Variants in SLC35G5 observed in about 807,000 individuals in gnomAD.
SLC35G5 encodes acyl-malonyl condensing enzyme 1-like 2.
In SLC35G5, 14 loss-of-function variants were observed where a neutral mutation model predicts 17.6. The observed-to-expected ratio is 0.79, with a 90% confidence interval of 0.52 to 1.24. The LOEUF (loss-of-function observed/expected upper bound fraction) is 1.24. Among genes scored for constraint, SLC35G5 ranks in the 50% most tolerant of loss-of-function variants. The pLI is 0.00. For missense variants in SLC35G5, 541 were observed against 430.3 expected (o/e 1.26, Z -2.28); for synonymous variants, 236 against 194.9 (o/e 1.21, Z -1.76).
In SLC35G5 at chr8:11,331,365, C is replaced by G; in HGVS notation, c.259C>G (p.Leu87Val). Residue 87 changes from leucine to valine, a missense_variant, in exon 1 of 1, where the codon CTT becomes GTT. Coordinates refer to ENST00000382435, the MANE Select transcript of SLC35G5 (RefSeq NM_054028.2). The stretch of plus-strand genomic sequence containing the variant: ...CTTCCACCTCCCTATTGCCCTGCTA[C>G]TTAAACTGCGTGGCGACCCCCTTCT... ...CLFHLPIALL[L>V]KLRGDPLLGP... 1 of 1,614,034 alleles carries G rather than the reference C, an allele frequency of 6.2e-7. No individual in the cohort carries two copies. Among genetic ancestry groups the G allele is most frequent in the Non-Finnish European group, 8.5e-7 (1 of 1,179,880 alleles).
chr8:11,331,314 C>T lies in SLC35G5; in HGVS notation c.208C>T (p.Leu70=). The T allele has an allele frequency of 6.2e-7, 1 of 1,614,004 alleles. No individual in the cohort carries two copies. The highest frequency in any genetic ancestry group is 8.5e-7 in the Non-Finnish European group (1 of 1,179,856). ...TTACCAGGGTTCCAACCTGCCCTCG[C>T]TGGAGCTGCTCATCTGTCGATGCCT... is the stretch of plus-strand genomic sequence containing the variant. ...MAYQGSNLPS[L]ELLICRCLFH... The change falls in exon 1 of 1, where the codon CTG becomes TTG. Residue 70 remains leucine, a synonymous_variant. Transcript: ENST00000382435.
Position 11,332,239 on chromosome 8 carries a change from A to G in SLC35G5, c.*116A>G. The G allele has an allele frequency of 6.9e-7, 1 of 1,448,138 alleles. No individual in the cohort carries two copies. The highest frequency in any genetic ancestry group is 9.2e-7 in the Non-Finnish European group (1 of 1,086,484). 89.7% of individuals were successfully genotyped at this position (1,448,138 alleles called of 1,614,324 possible). A position where few individuals can be genotyped will look rare whatever the true frequency, so the allele number is the denominator to read the frequency against. ...TTATAATAAATCCTAGGAAAGAGTG[A>G]AAGTCTAACTTCCATAGCACATTAT... On this transcript the variant is annotated 3_prime_UTR_variant, in exon 1 of 1. Transcript: ENST00000382435.
rs147745991 is a variant in SLC35G5 at position 11,331,261 on chromosome 8, G to T, written c.155G>T (p.Gly52Val). ...CTGCTGGGTGGGGGCCTGCCTGCTG[G>T]CTTCGTGGGCCCCCTTTCTCGTATG... ...VALLGGGLPA[G>V]FVGPLSRMAY... Residue 52 changes from glycine to valine, a missense_variant, in exon 1 of 1, where the codon GGC becomes GTC. Coordinates refer to ENST00000382435, the MANE Select transcript of SLC35G5 (RefSeq NM_054028.2). 1.3e-3 allele frequency: 2,042 copies of T among 1,613,936 alleles called. 14 individuals carry two copies. In the Middle Eastern group the frequency reaches 0.025, roughly 20 times the overall value.
In SLC35G5 at chr8:11,332,303, G is replaced by T. The variant is rs752303835; in HGVS notation, c.*180G>T. The stretch of plus-strand genomic sequence containing the variant: ...TCAGTTATAATAAAAATATCACAAA[G>T]CATGCAAACAAATGAGAAATCTGGC... On this transcript the variant is annotated 3_prime_UTR_variant, in exon 1 of 1. Transcript: ENST00000382435. 5 of 1,091,848 alleles carry T rather than the reference G, an allele frequency of 4.6e-6. No homozygotes were observed. Among genetic ancestry groups the T allele is most frequent in the Non-Finnish European group, 6.2e-6 (5 of 811,392 alleles). 67.6% of individuals were successfully genotyped at this position (1,091,848 alleles called of 1,614,324 possible). A position where few individuals can be genotyped will look rare whatever the true frequency, so the allele number is the denominator to read the frequency against.
In SLC35G5 at chr8:11,332,042, G is replaced by T. The variant is rs1361034844; in HGVS notation, c.936G>T (p.Gly312=). The T allele has an allele frequency of 1.2e-6, 2 of 1,611,948 alleles. No homozygotes were observed. The highest frequency in any genetic ancestry group is 1.7e-6 in the Non-Finnish European group (2 of 1,179,828). Residue 312 remains glycine, a synonymous_variant, in exon 1 of 1, where the codon GGG becomes GGT. Transcript: ENST00000382435. ...HETVALSDIM[G]AGVVLGSIAI... ...CTGTGGCACTTTCTGACATCATGGG[G>T]GCAGGGGTTGTGCTGGGCAGCATTG...
Position 11,332,080 on chromosome 8 carries a change from C to T in SLC35G5, c.974C>T (p.Ala325Val), listed in dbSNP as rs1801256745. Reference protein sequence around the residue: ...VVLGSIAIITARNLSCERTGK... With the variant: ...VVLGSIAIITVRNLSCERTGK... ...CTGGGCAGCATTGCCATCATTACAG[C>T]CCGGAACCTCAGCTGTGAGAGGACA... is the stretch of plus-strand genomic sequence containing the variant. Residue 325 changes from alanine (A) to valine (V), a missense_variant, in exon 1 of 1, where the codon GCC (alanine) becomes GTC (valine). Ala to Val is a moderately conservative substitution (Grantham distance 64). Transcript: ENST00000382435. 1.9e-6 allele frequency: 3 copies of T among 1,611,822 alleles called. No homozygotes were observed. The highest frequency in any genetic ancestry group is 1.3e-5 in the African/African-American group (1 of 74,906).
In SLC35G5 at chr8:11,332,052, G is replaced by A; in HGVS notation, c.946G>A (p.Val316Met). Residue 316 changes from valine (V) to methionine (M), a missense_variant, in exon 1 of 1, where the codon GTG becomes ATG. By Grantham distance (21) the Val-to-Met change is conservative. Coordinates refer to ENST00000382435, the MANE Select transcript of SLC35G5 (RefSeq NM_054028.2). ...ALSDIMGAGV[V>M]LGSIAIITAR... The stretch of plus-strand genomic sequence containing the variant: ...TTCTGACATCATGGGGGCAGGGGTT[G>A]TGCTGGGCAGCATTGCCATCATTAC... 3.1e-6 allele frequency: 5 copies of A among 1,611,956 alleles called. No individual in the cohort carries two copies. The highest frequency in any genetic ancestry group is 3.4e-6 in the Non-Finnish European group (4 of 1,179,840).
chr8:11,331,883 G>C lies in SLC35G5; in HGVS notation c.777G>C (p.Glu259Asp), dbSNP rs1341896418. 6.2e-7 allele frequency: 1 copy of C among 1,611,938 alleles called. No individual in the cohort carries two copies. Among genetic ancestry groups the C allele is most frequent in the Non-Finnish European group, 8.5e-7 (1 of 1,179,870 alleles). ...TGAGTTGGAGTTGTGTGGGGGCAGA[G>C]GGGATCCTCGCCTTGGTCTCCTTCA... ...DLLSWSCVGA[E>D]GILALVSFTC... The change falls in exon 1 of 1, where the codon GAG becomes GAC. Residue 259 changes from glutamate to aspartate, a missense_variant. Physicochemically the swap from Glu to Asp is conservative, Grantham distance 45. Transcript: ENST00000382435.
rs1162179026 is a variant in SLC35G5 at position 11,331,067 on chromosome 8, G to C, written c.-40G>C. 3.2e-6 allele frequency: 5 copies of C among 1,556,450 alleles called. No homozygotes were observed. The highest frequency in any genetic ancestry group is 1.9e-5 in the Admixed American group (1 of 51,700). ...ATGGCTGGAGCTCTGAGGGGCCCAG[G>C]CTCCCTGAGCCAGGAGGAGAGGAGA... is the stretch of plus-strand genomic sequence containing the variant. On this transcript the variant is annotated 5_prime_UTR_variant, in exon 1 of 1. Transcript: ENST00000382435.
Position 11,331,928 on chromosome 8 carries a change from C to T in SLC35G5, c.822C>T (p.Val274=). ...CCTTCACATGTGTGGGCTATGCGGT[C>T]ACCAAGGCCCACCCTGCCCTGGTGT... ...LVSFTCVGYA[V]TKAHPALVCA... Residue 274 remains valine (V), a synonymous_variant, in exon 1 of 1, where the codon GTC becomes GTT. Coordinates refer to ENST00000382435, the MANE Select transcript of SLC35G5 (RefSeq NM_054028.2). The T allele has an allele frequency of 6.2e-7, 1 of 1,612,020 alleles. No individual in the cohort carries two copies. The highest frequency in any genetic ancestry group is 8.5e-7 in the Non-Finnish European group (1 of 1,179,860).
At position 11,332,312 on chromosome 8, in the gene SLC35G5, C is replaced by G. The variant is rs969743912; in HGVS notation, c.*189C>G. 1.9e-6 allele frequency: 2 copies of G among 1,042,438 alleles called. No individual in the cohort carries two copies. Among genetic ancestry groups the G allele is most frequent in the Non-Finnish European group, 2.6e-6 (2 of 770,422 alleles). The allele number at this position is 1,042,438 out of a possible 1,614,324, so 64.6% of individuals were successfully genotyped here. ...ATAAAAATATCACAAAGCATGCAAA[C>G]AAATGAGAAATCTGGCTTATTTACA... On this transcript the variant is annotated 3_prime_UTR_variant, in exon 1 of 1. Coordinates refer to ENST00000382435, the MANE Select transcript of SLC35G5 (RefSeq NM_054028.2).
chr8:11,332,195 A>T lies in SLC35G5; in HGVS notation c.*72A>T. The T allele has an allele frequency of 6.6e-7, 1 of 1,523,640 alleles. No homozygotes were observed. Among genetic ancestry groups the T allele is most frequent in the Non-Finnish European group, 8.8e-7 (1 of 1,142,672 alleles). The allele number at this position is 1,523,640 out of a possible 1,614,324, so 94.4% of individuals were successfully genotyped here. ...AGACAAAGACTGAAGACAAAAAAAAAATAAAAGAAAAAAAATAATTATAAT... is the reference window on the plus strand; with the variant it reads ...AGACAAAGACTGAAGACAAAAAAAATATAAAAGAAAAAAAATAATTATAAT... On this transcript the variant is annotated 3_prime_UTR_variant, in exon 1 of 1. Transcript: ENST00000382435.
rs759285905 is a variant in SLC35G5, at chr8:11,331,351, C to G, written c.245C>G (p.Pro82Arg). The G allele has an allele frequency of 1.9e-6, 3 of 1,614,024 alleles. No individual in the cohort carries two copies. The highest frequency in any genetic ancestry group is 4.5e-5 in the East Asian group (2 of 44,884). The change falls in exon 1 of 1, where the codon CCT (proline) becomes CGT (arginine). Residue 82 changes from proline to arginine, a missense_variant. Physicochemically the swap from Pro to Arg is moderately radical, Grantham distance 103. Transcript: ENST00000382435. ...ATCTGTCGATGCCTCTTCCACCTCC[C>G]TATTGCCCTGCTACTTAAACTGCGT... ...LLICRCLFHLPIALLLKLRGD... is the reference protein window; with the variant it reads ...LLICRCLFHLRIALLLKLRGD...
Position 11,332,052 on chromosome 8 carries a change from G to T in SLC35G5, c.946G>T (p.Val316Leu). ...ALSDIMGAGVVLGSIAIITAR... is the reference protein window; with the variant it reads ...ALSDIMGAGVLLGSIAIITAR... ...TTCTGACATCATGGGGGCAGGGGTT[G>T]TGCTGGGCAGCATTGCCATCATTAC... The change falls in exon 1 of 1, where the codon GTG (valine) becomes TTG (leucine). Residue 316 changes from valine (V) to leucine (L), a missense_variant. Val to Leu is a conservative substitution (Grantham distance 32). Transcript: ENST00000382435. 6.2e-7 allele frequency: 1 copy of T among 1,611,956 alleles called. No homozygotes were observed. Among genetic ancestry groups the T allele is most frequent in the Non-Finnish European group, 8.5e-7 (1 of 1,179,840 alleles).
chr8:11,332,274 A>T lies in SLC35G5; in HGVS notation c.*151A>T, dbSNP rs374099111. 6.0e-5 allele frequency: 74 copies of T among 1,238,028 alleles called. No homozygotes were observed. In the African/African-American group the frequency reaches 9.5e-4, roughly 16 times the overall value. 76.7% of individuals were successfully genotyped at this position (1,238,028 alleles called of 1,614,324 possible). ...TTCCATAGCACATTATAATATTGAG[A>T]TGTTCAGTTATAATAAAAATATCAC... On this transcript the variant is annotated 3_prime_UTR_variant, in exon 1 of 1. Coordinates refer to ENST00000382435, the MANE Select transcript of SLC35G5 (RefSeq NM_054028.2).
In SLC35G5 at chr8:11,331,149, C is replaced by T. The variant is rs565050790; in HGVS notation, c.43C>T (p.His15Tyr). The T allele has an allele frequency of 1.6e-5, 26 of 1,610,880 alleles. No individual in the cohort carries two copies. The African/African-American group carries it at 2.3e-4, about 14-fold the overall frequency. ...HPYFNLPDST[H>Y]PSPPSAPPSL... ...CTACTTCAACCTGCCTGACTCCACA[C>T]ACCCATCGCCGCCCTCCGCTCCACC... The change falls in exon 1 of 1, where the codon CAC becomes TAC. Residue 15 changes from histidine (H) to tyrosine (Y), a missense_variant. Physicochemically the swap from His to Tyr is moderately conservative, Grantham distance 83. Coordinates refer to ENST00000382435, the MANE Select transcript of SLC35G5 (RefSeq NM_054028.2).
At position 11,331,174 on chromosome 8, in the gene SLC35G5, C is replaced by G. The variant is rs757198339; in HGVS notation, c.68C>G (p.Pro23Arg). Reference sequence around the variant, plus strand: ...CACCCATCGCCGCCCTCCGCTCCACCCAGCCTCCGCTGGCACCAGCGCTGC... The same window carrying G: ...CACCCATCGCCGCCCTCCGCTCCACGCAGCCTCCGCTGGCACCAGCGCTGC... ...STHPSPPSAP[P>R]SLRWHQRCQP... The change falls in exon 1 of 1, where the codon CCC becomes CGC. Residue 23 changes from proline (P) to arginine (R), a missense_variant. By Grantham distance (103) the Pro-to-Arg change is moderately radical (BLOSUM62 -2). Transcript: ENST00000382435. The G allele has an allele frequency of 6.2e-6, 10 of 1,613,322 alleles. No homozygotes were observed. Among genetic ancestry groups the G allele is most frequent in the African/African-American group, 1.3e-5 (1 of 74,888 alleles).
chr8:11,331,691 G>A lies in SLC35G5; in HGVS notation c.585G>A (p.Gln195=), dbSNP rs564767008. ...TCTACACCACCCTGGGCTATGTGCAGGCTTTCCTGGGAGGCCTGGCGCTGT... is the reference window on the plus strand; with the variant it reads ...TCTACACCACCCTGGGCTATGTGCAAGCTTTCCTGGGAGGCCTGGCGCTGT... The part of the protein sequence containing the change: ...TGVYTTLGYV[Q]AFLGGLALSL... The change falls in exon 1 of 1, where the codon CAG becomes CAA. Residue 195 remains glutamine, a synonymous_variant. Transcript: ENST00000382435. The A allele has an allele frequency of 6.2e-7, 1 of 1,612,012 alleles. No homozygotes were observed. Among genetic ancestry groups the A allele is most frequent in the East Asian group, 2.2e-5 (1 of 44,876 alleles).
chr8:11,332,046 G>A lies in SLC35G5; in HGVS notation c.940G>A (p.Gly314Arg), dbSNP rs781182669. The change falls in exon 1 of 1, where the codon GGG (glycine) becomes AGG (arginine). Residue 314 changes from glycine to arginine, a missense_variant. Coordinates refer to ENST00000382435, the MANE Select transcript of SLC35G5 (RefSeq NM_054028.2). Reference sequence around the variant, plus strand: ...GGCACTTTCTGACATCATGGGGGCAGGGGTTGTGCTGGGCAGCATTGCCAT... The same window carrying A: ...GGCACTTTCTGACATCATGGGGGCAAGGGTTGTGCTGGGCAGCATTGCCAT... ...TVALSDIMGAGVVLGSIAIIT... is the reference protein window; with the variant it reads ...TVALSDIMGARVVLGSIAIIT... The A allele has an allele frequency of 1.2e-6, 2 of 1,611,870 alleles. No homozygotes were observed. Among genetic ancestry groups the A allele is most frequent in the African/African-American group, 2.7e-5 (2 of 74,856 alleles).
Sources: allele counts gnomAD v4.1 joint callset, GRCh38; gene constraint gnomAD v4.1.1; transcripts MANE v1.5; gene names NCBI Gene and HGNC (gene_info 2026-07-23, HGNC 2026-07-21).